The following UTRN variants were observed in gnomAD, a reference collection of about 807,000 sequenced individuals.
UTRN encodes utrophin, also known as dystrophin-related protein 1.
In UTRN, 283 loss-of-function variants were observed where a neutral mutation model predicts 463.9. That is an observed-to-expected ratio of 0.61 (90% confidence interval 0.55 to 0.67). The LOEUF (loss-of-function observed/expected upper bound fraction) is 0.67, where lower values mean the gene tolerates loss of function less well. Ranked by LOEUF, UTRN falls within the 30% of genes least tolerant of loss-of-function variation. The pLI, the probability that UTRN is intolerant of heterozygous loss-of-function variation, is 0.00. For missense variants in UTRN, 3,922 were observed against 4,084.3 expected (o/e 0.96, Z 1.08); for synonymous variants, 1,442 against 1,431.5 (o/e 1.01, Z -0.17).
intron 2 of UTRN, among the ~76,000 whole-genome samples, chr6:144,302,180 C>G (rs1206653379): frequency 6.6e-6 from 1 of 152,102 alleles, no homozygotes; most frequent in African/African-American, 2.4e-5. Context: ...CTGATGCTAG[C>G]CTTTAGCTTA....
intron 45 of UTRN, among the ~76,000 whole-genome samples, 160 bp from the exon 46 acceptor site, chr6:144,542,635 A>G (rs1205164290): frequency 6.6e-6 from 1 of 152,232 alleles, no homozygotes; most frequent in Non-Finnish European, 1.5e-5. Context: ...TAGGGGCTCA[A>G]ACAAGATTGC....
intron 53 of UTRN, among the ~76,000 whole-genome samples, chr6:144,709,827 A>G (rs1480201294): frequency 6.6e-6 from 1 of 152,342 alleles, no homozygotes; most frequent in Non-Finnish European, 1.5e-5. Context: ...AGAAACTCAT[A>G]TATTCTGAGT....
chr6:144,745,961 T>C (rs1355042045), intron 54 of UTRN, among the ~76,000 whole-genome samples: 3 of 151,198 alleles, frequency 2.0e-5, no homozygotes, highest in Non-Finnish European at 2.9e-5. Context: ...TTATATAAAA[T>C]ATATACAATA....
chr6:144,829,003 G>T, intron 69 of UTRN, 148 bp downstream of exon 69: 1 of 814,244 alleles, frequency 1.2e-6, no homozygotes, highest in Non-Finnish European at 2.0e-6. Context: ...TAGATTTTAT[G>T]CTTTCAAACC....
At chr6:144,662,930 TATACTC>T (rs1780013544) in intron 51 of UTRN, among the ~76,000 whole-genome samples, 4 of 152,208 alleles carry the variant, frequency 2.6e-5, no homozygotes, top group African/African-American at 9.7e-5. Context: ...TTTGGCATGT[TATACTC>T]ATATAAGAAT....
intron 39 of UTRN, among the ~76,000 whole-genome samples, chr6:144,520,423 T>C (rs1021322101): frequency 2.6e-5 from 4 of 152,236 alleles, no homozygotes; most frequent in Non-Finnish European, 5.9e-5. Context: ...AAACACAGAA[T>C]TTGTTTCCTT....
chr6:144,784,858 C>A (rs1348203383), intron 61 of UTRN, among the ~76,000 whole-genome samples: 3 of 152,148 alleles, frequency 2.0e-5, no homozygotes, highest in South Asian at 2.1e-4. Flanking sequence ...GGAAAAAAAT[C>A]TTTCAGGACT....
chr6:144,482,391 A>G lies in UTRN; in HGVS notation c.3687+3A>G. 6.8e-7 allele frequency: 1 copy of G among 1,465,972 alleles called. No homozygotes were observed. The highest frequency in any genetic ancestry group is 9.0e-7 in the Non-Finnish European group (1 of 1,112,878). 90.8% of individuals were successfully genotyped at this position (1,465,972 alleles called of 1,614,324 possible). On this transcript the variant is annotated splice_donor_region_variant and intron_variant, in intron 27 of 74. Coordinates refer to ENST00000367545, the MANE Select transcript of UTRN (RefSeq NM_007124.3). ...GAGGAAAGTGCCACACGCTAGAGGT[A>G]TGCTATTATTATTATTGTTGTTATT...
intron 58 of UTRN, among the ~76,000 whole-genome samples, chr6:144,765,220 A>T (rs573427440): frequency 6.6e-6 from 1 of 152,336 alleles, no homozygotes; most frequent in East Asian, 1.9e-4. Context: ...ATCAGTTTTG[A>T]TCATTAATTC....
chr6:144,312,754 A>T (rs1224720775), intron 2 of UTRN, among the ~76,000 whole-genome samples: 3 of 152,288 alleles, frequency 2.0e-5, no homozygotes, highest in African/African-American at 7.2e-5. Flanking sequence ...GAATTCTTGA[A>T]AAAATAACTG....
chr6:144,396,811 G>A (rs1782470776), intron 2 of UTRN, among the ~76,000 whole-genome samples: 1 of 149,892 alleles, frequency 6.7e-6, no homozygotes, highest in African/African-American at 2.5e-5. Flanking sequence ...ATGTCATGAG[G>A]GGTAAGTCCT....
intron 57 of UTRN, among the ~76,000 whole-genome samples, chr6:144,757,664 CACCATT>C (rs1041814430): frequency 1.3e-5 from 2 of 152,012 alleles, no homozygotes; most frequent in Non-Finnish European, 2.9e-5. Flanking sequence ...TTATAAGCAA[CACCATT>C]TGAAAGTTTA....
chr6:144,527,078 A>C (rs1585128684), intron 41 of UTRN, among the ~76,000 whole-genome samples: 1 of 151,970 alleles, frequency 6.6e-6, no homozygotes, highest in South Asian at 2.1e-4. Context: ...GGGATTACAG[A>C]CGTGAGCCAC....
intron 62 of UTRN, among the ~76,000 whole-genome samples, chr6:144,792,326 T>A (rs951328765): frequency 2.6e-5 from 4 of 152,080 alleles, no homozygotes; most frequent in Non-Finnish European, 5.9e-5. Flanking sequence ...GTAGGGCAGA[T>A]CAACTGTGAT....
At chr6:144,453,622 A>G (rs1354194397) in intron 18 of UTRN, among the ~76,000 whole-genome samples, 160 bp from the exon 19 acceptor site, 4 of 152,292 alleles carry the variant, frequency 2.6e-5, no homozygotes, top group Admixed American at 6.5e-5. Context: ...TTTTTCTTAC[A>G]AAAGAAACCA....
chr6:144,640,543 T>C (rs921613292), intron 51 of UTRN, among the ~76,000 whole-genome samples: 1 of 152,174 alleles, frequency 6.6e-6, no homozygotes, highest in Admixed American at 6.5e-5. Context: ...AAAAATGTGT[T>C]AAGTTTTTAT....
At chr6:144,798,737 G>T (rs1388589909) in intron 64 of UTRN, among the ~76,000 whole-genome samples, 2 of 152,160 alleles carry the variant, frequency 1.3e-5, no homozygotes, top group African/African-American at 4.8e-5. Flanking sequence ...GATTTTGTGT[G>T]TGTCTTTTTT....
At chr6:144,651,323 A>G (rs1778797862) in intron 51 of UTRN, among the ~76,000 whole-genome samples, 1 of 152,178 alleles carries the variant, frequency 6.6e-6, no homozygotes, top group Non-Finnish European at 1.5e-5. Context: ...GTGTTGAAAC[A>G]AATGCGCAAT....
chr6:144,539,454 A>T lies in UTRN; in HGVS notation c.6519+11A>T. 5 of 1,576,320 alleles carry T rather than the reference A, an allele frequency of 3.2e-6. No homozygotes were observed. The highest frequency in any genetic ancestry group is 4.3e-6 in the Non-Finnish European group (5 of 1,160,480). The stretch of plus-strand genomic sequence containing the variant: ...ATGACATGGAATAAGGTGTGTGTAA[A>T]GTTACTATCACACATTTCTCATATT... On this transcript the variant is annotated intron_variant, in intron 45 of 74. Coordinates refer to ENST00000367545, the MANE Select transcript of UTRN (RefSeq NM_007124.3).
Sources: allele counts gnomAD v4.1 joint callset (sites outside exome capture counted in the v4.1 genomes callset), GRCh38; gene constraint gnomAD v4.1.1; transcripts MANE v1.5; gene names NCBI Gene and HGNC (gene_info 2026-07-23, HGNC 2026-07-21).